TMEM131: variants seen among roughly 807,000 people sequenced by gnomAD.
TMEM131 encodes transmembrane protein 131.
A neutral mutation model predicts 211.6 loss-of-function variants in TMEM131; 66 were observed. The observed-to-expected ratio is 0.31, with a 90% CI of 0.26 to 0.38. TMEM131 has a LOEUF of 0.38. Among genes scored for constraint, TMEM131 ranks in the 10% least tolerant of loss-of-function variants. The pLI, the probability that TMEM131 is intolerant of heterozygous loss-of-function variation, is 1.00. For synonymous variants in TMEM131, 844 were observed against 841.3 expected (o/e 1.00, Z -0.06); for missense variants, 2,036 against 2,299.3 (o/e 0.89, Z 2.34).
chr2:97,966,357 C>G (rs1679058792), intron 1 of TMEM131, among the ~76,000 whole-genome samples: 1 of 151,978 alleles, frequency 6.6e-6, no homozygotes, highest in Non-Finnish European at 1.5e-5. Flanking sequence ...TTAAAAGAAC[C>G]CTTTCCTAAT....
At position 97,762,083 on chromosome 2, in the gene TMEM131, A is replaced by C. The variant is rs776218862; in HGVS notation, c.4841T>G (p.Phe1614Cys). 1 of 1,604,922 alleles carries C rather than the reference A, an allele frequency of 6.2e-7. No homozygotes were observed. Among genetic ancestry groups the C allele is most frequent in the South Asian group, 1.1e-5 (1 of 89,764 alleles). ...SPSPPAAPCP[F>C]VARGSYSSIV... ...GCTGCTGTAGCTGCCCCGGGCCACA[A>C]AGGGGCAGGGGGCAGCTGGGGGAGA... is the stretch of plus-strand genomic sequence containing the variant. Residue 1614 changes from phenylalanine to cysteine, a missense_variant, in exon 36 of 41, where the codon TTT becomes TGT. Phe to Cys is a radical substitution (Grantham distance 205). Coordinates refer to ENST00000186436, the MANE Select transcript of TMEM131 (RefSeq NM_015348.2).
chr2:97,901,090 AT>A (rs1253419971), intron 3 of TMEM131, among the ~76,000 whole-genome samples: 1 of 152,202 alleles, frequency 6.6e-6, no homozygotes, highest in African/African-American at 2.4e-5. Flanking sequence ...TACCCTGAAT[AT>A]AACCTTCAAA....
rs576038556 is a variant in TMEM131, at chr2:97,791,282, G to A, written c.4144+1104C>T. On this transcript the variant is annotated intron_variant, in intron 31 of 40. Coordinates refer to ENST00000186436, the MANE Select transcript of TMEM131 (RefSeq NM_015348.2). ...CCTCTTGGTATTTATGCCCTTGCGC[G>A]GTTCTCTCTCCTGGAGTGTGGGCTG... 5.1e-4 allele frequency among the ~76,000 whole-genome samples: 78 copies of A among 152,304 alleles called. 1 individual carries two copies. Among genetic ancestry groups the A allele is most frequent in the African/African-American group, 1.8e-3 (74 of 41,554 alleles).
intron 11 of TMEM131, among the ~76,000 whole-genome samples, chr2:97,827,000 G>A (rs1249240844): frequency 1.4e-5 from 2 of 145,564 alleles, no homozygotes; most frequent in Admixed American, 7.0e-5. Context: ...CTTCAGGACA[G>A]GACGATAGAT....
chr2:97,811,287 T>C, intron 17 of TMEM131, 55 bp from the exon 18 acceptor site: 11 of 1,358,742 alleles, frequency 8.1e-6, no homozygotes, highest in Non-Finnish European at 1.2e-5. Context: ...AAGTTTCCTA[T>C]TAAAATGGAC....
intron 31 of TMEM131, among the ~76,000 whole-genome samples, chr2:97,778,506 G>A (rs922622682): frequency 2.0e-5 from 3 of 151,572 alleles, no homozygotes; most frequent in Non-Finnish European, 2.9e-5. Flanking sequence ...GGCTGAGATC[G>A]TGCCACTGCA....
intron 1 of TMEM131, among the ~76,000 whole-genome samples, chr2:97,949,032 CG>C (rs1460984770): frequency 6.6e-6 from 1 of 152,056 alleles, no homozygotes; most frequent in African/African-American, 2.4e-5. Flanking sequence ...TGAAATGAAA[CG>C]TATGTGTGAA....
At chr2:97,983,645 T>C (rs1375338285) in intron 1 of TMEM131, among the ~76,000 whole-genome samples, 1 of 152,160 alleles carries the variant, frequency 6.6e-6, no homozygotes, top group Non-Finnish European at 1.5e-5. Flanking sequence ...CTTTACCCAA[T>C]AAATACGAAA....
At chr2:97,916,662 C>A (rs1361205343) in intron 2 of TMEM131, among the ~76,000 whole-genome samples, 6 of 152,200 alleles carry the variant, frequency 3.9e-5, no homozygotes, top group African/African-American at 1.4e-4. Context: ...ACAAAAAGCA[C>A]TACCTTGTAG....
At position 97,794,961 on chromosome 2, in the gene TMEM131, C is replaced by G. The variant is rs766187281; in HGVS notation, c.3355G>C (p.Ala1119Pro). ...EALPRPNWEL[A>P]LYIIISGIMS... ...ATTCCTGAGATGATGATATACAGAG[C>G]CAGTTCCCAGTTAGGTCTGGGTAGG... is the stretch of plus-strand genomic sequence containing the variant. Residue 1119 changes from alanine to proline, a missense_variant, in exon 29 of 41, where the codon GCT becomes CCT. By Grantham distance (27) the Ala-to-Pro change is conservative. This residue lies in a region of TMEM131 where 1,623 missense variants were observed against 1,805.9 expected (regional missense o/e 0.90). Coordinates refer to ENST00000186436, the MANE Select transcript of TMEM131 (RefSeq NM_015348.2). The G allele has an allele frequency of 6.2e-7, 1 of 1,603,042 alleles. No individual in the cohort carries two copies. The highest frequency in any genetic ancestry group is 2.2e-5 in the East Asian group (1 of 44,666).
In TMEM131 at chr2:97,859,332, T is replaced by A; in HGVS notation, c.455A>T (p.His152Leu). The A allele has an allele frequency of 1.3e-6, 2 of 1,599,082 alleles. No homozygotes were observed. The highest frequency in any genetic ancestry group is 1.7e-6 in the Non-Finnish European group (2 of 1,175,706). ...TLVSISATTS[H>L]FHASFFQNRK... ...ATTTTGAAAAAATGATGCATGAAAATGTGATGTTGTAGCAGATATTGATAC... is the reference window on the plus strand; with the variant it reads ...ATTTTGAAAAAATGATGCATGAAAAAGTGATGTTGTAGCAGATATTGATAC... Residue 152 changes from histidine to leucine, a missense_variant, in exon 5 of 41, where the codon CAT (histidine) becomes CTT (leucine). This residue lies in a region of TMEM131 where 277 missense variants were observed against 378.0 expected (regional missense o/e 0.73). Transcript: ENST00000186436.
intron 2 of TMEM131, among the ~76,000 whole-genome samples, chr2:97,923,997 G>A (rs10202138): frequency 0.27 from 41,377 of 151,612 alleles, 6,190 homozygotes; most frequent in Middle Eastern, 0.37. Context: ...GGAGAATGGC[G>A]TGAACCCAGG....
chr2:97,859,266 C>T (rs1673970170), intron 5 of TMEM131, 38 bp downstream of exon 5: 2 of 1,546,382 alleles, frequency 1.3e-6, no homozygotes, highest in African/African-American at 1.4e-5. Context: ...ATTTCAACTT[C>T]AAACTCAGGA....
chr2:97,977,395 A>G (rs1445625450), intron 1 of TMEM131, among the ~76,000 whole-genome samples: 1 of 152,266 alleles, frequency 6.6e-6, no homozygotes, highest in African/African-American at 2.4e-5. Flanking sequence ...ATGGCAAATA[A>G]GCACATGAAA....
intron 29 of TMEM131, 138 bp downstream of exon 29, chr2:97,794,790 CTG>C (rs896990828): frequency 3.2e-6 from 2 of 618,592 alleles, no homozygotes; most frequent in Non-Finnish European, 5.2e-6. Context: ...TCCCACCAGT[CTG>C]TGAGATTGAT....
intron 1 of TMEM131, among the ~76,000 whole-genome samples, chr2:97,927,786 CTAAT>C (rs1164713585): frequency 6.6e-6 from 1 of 152,072 alleles, no homozygotes; most frequent in Non-Finnish European, 1.5e-5. Flanking sequence ...CAAGATGCAA[CTAAT>C]TATTTTCCCT....
At chr2:97,940,634 C>T (rs1280061153) in intron 1 of TMEM131, among the ~76,000 whole-genome samples, 1 of 151,932 alleles carries the variant, frequency 6.6e-6, no homozygotes, top group Non-Finnish European at 1.5e-5. Context: ...TGGTGAAACC[C>T]CGTCTCTACT....
At chr2:97,785,973 A>C (rs1680230421) in intron 31 of TMEM131, among the ~76,000 whole-genome samples, 1 of 152,204 alleles carries the variant, frequency 6.6e-6, no homozygotes, top group Admixed American at 6.5e-5. Flanking sequence ...TTGTCATTTC[A>C]AGAATGTTAC....
intron 1 of TMEM131, among the ~76,000 whole-genome samples, chr2:97,957,706 T>C (rs1166378612): frequency 6.6e-6 from 1 of 152,222 alleles, no homozygotes; most frequent in Non-Finnish European, 1.5e-5. Flanking sequence ...TTTCCTGTTT[T>C]GAAAACATGC....
Sources: gnomAD v4.1 joint callset for allele counts (sites outside exome capture counted in the v4.1 genomes callset) on GRCh38, gnomAD v4.1.1 for gene constraint, gnomAD v4.1.1 regional missense constraint, MANE v1.5 for transcripts, NCBI Gene and HGNC (gene_info 2026-07-23, HGNC 2026-07-21) for gene names.